FGF14: variants seen among roughly 807,000 people sequenced by gnomAD.
The protein encoded by FGF14 is fibroblast growth factor 14.
In FGF14, 5 loss-of-function variants were observed where a neutral mutation model predicts 25.5. That is an observed-to-expected ratio of 0.20 (90% confidence interval 0.10 to 0.41). The LOEUF (loss-of-function observed/expected upper bound fraction) is 0.41. Ranked by LOEUF, FGF14 falls within the 10% of genes least tolerant of loss-of-function variation. FGF14 has a pLI of 1.00. For synonymous variants in FGF14, 138 were observed against 118.3 expected, an observed-to-expected ratio of 1.17 and a Z score of -1.08; for missense variants, 222 against 320.1, an observed-to-expected ratio of 0.69 and a Z score of 2.34.
chr13:102,308,934 A>AAAAAAC (rs1555398892), intron 1 of FGF14, among the ~76,000 whole-genome samples: 2 of 139,678 alleles, frequency 1.4e-5, no homozygotes, highest in Admixed American at 7.2e-5. Context: ...AAAAAAAAAA[A>AAAAAAC]CACAAAAAAA....
chr13:101,917,402 G>A (rs575807503), upstream of FGF14, among the ~76,000 whole-genome samples: 12 of 152,288 alleles, frequency 7.9e-5, no homozygotes, highest in South Asian at 1.5e-3. Context: ...AGCTAAGATG[G>A]ATTGCAGGGA....
intron 1 of FGF14, among the ~76,000 whole-genome samples, chr13:102,388,801 G>A (rs897685637): frequency 5.9e-5 from 9 of 152,048 alleles, no homozygotes; most frequent in African/African-American, 1.9e-4. Context: ...TTATAATTGA[G>A]CCATTCTCAA....
chr13:101,812,018 C>T (rs1460335185), intron 3 of FGF14, among the ~76,000 whole-genome samples: 1 of 152,144 alleles, frequency 6.6e-6, no homozygotes, highest in African/African-American at 2.4e-5. Flanking sequence ...GTGAAAAAGA[C>T]TCCCAGAAAC....
intron 1 of FGF14, among the ~76,000 whole-genome samples, chr13:102,084,430 T>C (rs2043791928): frequency 6.6e-6 from 1 of 152,212 alleles, no homozygotes; most frequent in African/African-American, 2.4e-5. Context: ...TTACTATTCT[T>C]TCTTTCATTT....
chr13:101,921,941 C>T (rs191592148), upstream of FGF14, among the ~76,000 whole-genome samples: 25 of 152,270 alleles, frequency 1.6e-4, 1 homozygote, highest in Admixed American at 9.2e-4. Flanking sequence ...CTACATAGCA[C>T]GTACAACTTT....
chr13:101,754,214 C>T (rs1481624364), intron 3 of FGF14, among the ~76,000 whole-genome samples: 5 of 152,122 alleles, frequency 3.3e-5, no homozygotes, highest in African/African-American at 9.7e-5. Context: ...TCCAGGGTGC[C>T]GCATGGTCAC....
At chr13:102,301,653 C>T (rs920069916) in intron 1 of FGF14, among the ~76,000 whole-genome samples, 5 of 152,092 alleles carry the variant, frequency 3.3e-5, no homozygotes, top group Non-Finnish European at 7.4e-5. Context: ...CTCACTCCAC[C>T]TCTGCATGCA....
chr13:101,714,627 T>C lies in FGF14; in HGVS notation c.*8204A>G. ...CCAAGAGACACTCGTCATGCAATGC[T>C]TTAGGTGGCTGGACCAACAGGGCCA... On this transcript the variant is annotated 3_prime_UTR_variant, in exon 5 of 5. Transcript: ENST00000376143. 1 of 907,220 alleles carries C rather than the reference T, an allele frequency of 1.1e-6. No homozygotes were observed. The highest frequency in any genetic ancestry group is 1.8e-6 in the Non-Finnish European group (1 of 542,170). The allele number at this position is 907,220 out of a possible 1,614,324, so 56.2% of individuals were successfully genotyped here. A position where few individuals can be genotyped will look rare whatever the true frequency, so the allele number is the denominator to read the frequency against.
At chr13:102,301,650 C>T (rs572619008) in intron 1 of FGF14, among the ~76,000 whole-genome samples, 97 of 152,232 alleles carry the variant, frequency 6.4e-4, no homozygotes, top group African/African-American at 2.1e-3. Context: ...GGACTCACTC[C>T]ACCTCTGCAT....
chr13:101,857,694 C>T (rs1010013188), intron 3 of FGF14, among the ~76,000 whole-genome samples: 1 of 152,036 alleles, frequency 6.6e-6, no homozygotes, highest in Non-Finnish European at 1.5e-5. Flanking sequence ...TCCCACAAGA[C>T]TGCATCTGCG....
At chr13:102,371,192 C>G (rs1213228997) in intron 1 of FGF14, among the ~76,000 whole-genome samples, 1 of 152,086 alleles carries the variant, frequency 6.6e-6, no homozygotes, top group African/African-American at 2.4e-5. Context: ...ACAATAAAAA[C>G]AAAATTTATA....
chr13:101,784,702 T>A (rs1245183254), intron 3 of FGF14, among the ~76,000 whole-genome samples: 1 of 152,202 alleles, frequency 6.6e-6, no homozygotes, highest in East Asian at 1.9e-4. Context: ...CTTTCTCTTG[T>A]CCCACTTGTC....
intron 3 of FGF14, among the ~76,000 whole-genome samples, chr13:101,858,238 A>AG: frequency 6.6e-6 from 1 of 151,528 alleles, no homozygotes; most frequent in East Asian, 1.9e-4. Context: ...TTAAAAAAAA[A>AG]AAAAAGGAAA....
chr13:102,297,642 T>G (rs891279538), intron 1 of FGF14, among the ~76,000 whole-genome samples: 4 of 151,806 alleles, frequency 2.6e-5, no homozygotes, highest in African/African-American at 9.7e-5. Context: ...TCCCAGCACT[T>G]TGGGAGGCTG....
intron 3 of FGF14, among the ~76,000 whole-genome samples, chr13:101,844,700 T>C (rs1165656573): frequency 6.6e-6 from 1 of 152,068 alleles, no homozygotes; most frequent in African/African-American, 2.4e-5. Context: ...ATAGTGTACA[T>C]TTCCATTGAC....
chr13:101,725,770 A>G (rs1415139293), intron 4 of FGF14, among the ~76,000 whole-genome samples: 2 of 152,056 alleles, frequency 1.3e-5, no homozygotes, highest in Admixed American at 1.3e-4. Flanking sequence ...TAAACAAAAG[A>G]ACTTGAATAG....
At chr13:102,068,723 G>C (rs541638781) in intron 1 of FGF14, among the ~76,000 whole-genome samples, 3 of 152,188 alleles carry the variant, frequency 2.0e-5, no homozygotes, top group South Asian at 2.1e-4. Flanking sequence ...GGCAGGGCTC[G>C]GGACCTGCAG....
Position 102,377,823 on chromosome 13 carries a change from A to G in FGF14, c.208+23648T>C, listed in dbSNP as rs952415988. ...AACTCTGTCTCAACAACAACAAAAAAATTCTAGCACAGATAACTTGACAAT... is the reference window on the plus strand; with the variant it reads ...AACTCTGTCTCAACAACAACAAAAAGATTCTAGCACAGATAACTTGACAAT... On this transcript the variant is annotated intron_variant, in intron 1 of 4. Coordinates refer to the FGF14 transcript ENST00000376131. 2.0e-5 allele frequency among the ~76,000 whole-genome samples: 3 copies of G among 152,094 alleles called. No homozygotes were observed. In the South Asian group the frequency reaches 6.2e-4, roughly 32 times the overall value.
At chr13:102,326,799 G>A (rs541337540) in intron 1 of FGF14, among the ~76,000 whole-genome samples, 8 of 150,392 alleles carry the variant, frequency 5.3e-5, no homozygotes, top group East Asian at 2.0e-4. Context: ...AAGGAAGGAA[G>A]GAAATATATA....
Sources: allele counts gnomAD v4.1 joint callset (sites outside exome capture counted in the v4.1 genomes callset), GRCh38; gene constraint gnomAD v4.1.1; transcripts MANE v1.5; gene names NCBI Gene and HGNC (gene_info 2026-07-23, HGNC 2026-07-21).